The following CDH2 variants were observed in gnomAD, a reference collection of about 807,000 sequenced individuals.
The protein encoded by CDH2 is cadherin-2.
A neutral mutation model predicts 92.0 loss-of-function variants in CDH2; 17 were observed. The observed-to-expected ratio is 0.18, with a 90% confidence interval of 0.13 to 0.28. The LOEUF is 0.28. Among genes scored for constraint, CDH2 ranks in the 10% least tolerant of loss-of-function variants. CDH2 has a pLI of 1.00. For synonymous variants in CDH2, 419 were observed against 415.9 expected (o/e 1.01, Z -0.09); for missense variants, 862 against 1,133.1 (o/e 0.76, Z 3.44).
chr18:27,966,065 G>GT (rs1301300244), intron 14 of CDH2, among the ~76,000 whole-genome samples: 3 of 136,570 alleles, frequency 2.2e-5, no homozygotes, highest in Non-Finnish European at 3.2e-5. Context: ...AATAAAATAT[G>GT]TTTTTTCCAG....
At chr18:28,049,634 C>T (rs979455701) in intron 2 of CDH2, among the ~76,000 whole-genome samples, 1 of 152,190 alleles carries the variant, frequency 6.6e-6, no homozygotes, top group African/African-American at 2.4e-5. Context: ...AATGGATTAA[C>T]TCACCACTGA....
intron 2 of CDH2, among the ~76,000 whole-genome samples, chr18:28,135,931 C>T (rs1348620709): frequency 6.6e-6 from 1 of 152,184 alleles, no homozygotes; most frequent in Non-Finnish European, 1.5e-5. Flanking sequence ...TAATTGTTAG[C>T]TGGGCACTGG....
intron 14 of CDH2, among the ~76,000 whole-genome samples, chr18:27,965,734 C>T (rs1224350623): frequency 1.3e-5 from 2 of 152,142 alleles, no homozygotes; most frequent in African/African-American, 2.4e-5. Context: ...ATTTAGTCCC[C>T]TGCACTTTGG....
chr18:28,062,155 C>G (rs909664926), intron 2 of CDH2, among the ~76,000 whole-genome samples: 5 of 152,158 alleles, frequency 3.3e-5, no homozygotes, highest in African/African-American at 1.2e-4. Flanking sequence ...CAAACAGATA[C>G]AATGAACAGC....
rs1019297487 is a variant in CDH2, at chr18:28,003,053, T to C, written c.964A>G (p.Thr322Ala). 2.5e-6 allele frequency: 4 copies of C among 1,613,996 alleles called. No individual in the cohort carries two copies. The highest frequency in any genetic ancestry group is 3.4e-6 in the Non-Finnish European group (4 of 1,179,990). Residue 322 changes from threonine (T) to alanine (A), a missense_variant, in exon 7 of 16, where the codon ACA (threonine) becomes GCA (alanine). Around this residue, in one of 5 missense-constraint regions of CDH2, gnomAD observed 564 missense variants for 722.2 expected, o/e 0.78. Coordinates refer to ENST00000269141, the MANE Select transcript of CDH2 (RefSeq NM_001792.5). ...APSTPSPNMF[T>A]INNETGDIIT... The stretch of plus-strand genomic sequence containing the variant: ...ATGTCACCAGTCTCATTGTTGATTG[T>C]AAACATGTTGGGTGAAGGGGTGCTT...
intron 1 of CDH2, among the ~76,000 whole-genome samples, chr18:28,165,420 G>A (rs1399325942): frequency 3.9e-5 from 6 of 152,098 alleles, no homozygotes; most frequent in Non-Finnish European, 5.9e-5. Context: ...TCAAAGTCCT[G>A]GGGTCAAGCT....
chr18:28,146,621 C>T (rs796229964), intron 2 of CDH2: 1 of 152,006 alleles, frequency 6.6e-6, no homozygotes, highest in Non-Finnish European at 1.5e-5. Flanking sequence ...TAAAATGTAA[C>T]CTGCACCCAA....
intron 13 of CDH2, among the ~76,000 whole-genome samples, chr18:27,983,322 T>C (rs2012120445): frequency 6.6e-6 from 1 of 152,180 alleles, no homozygotes. Flanking sequence ...GCAAACTCAC[T>C]TGAGAGGTGA....
intron 1 of CDH2, among the ~76,000 whole-genome samples, chr18:28,166,518 T>C (rs908571043): frequency 6.6e-6 from 1 of 152,052 alleles, no homozygotes; most frequent in Non-Finnish European, 1.5e-5. Context: ...CAAATGTTCT[T>C]ATCTGTCAAA....
chr18:28,003,573 G>C (rs2012832284), intron 6 of CDH2, among the ~76,000 whole-genome samples: 1 of 152,102 alleles, frequency 6.6e-6, no homozygotes, highest in Non-Finnish European at 1.5e-5. Flanking sequence ...GTTATGCAAT[G>C]ATGTCTAAAA....
chr18:28,129,691 G>A (rs2015734152), intron 2 of CDH2, among the ~76,000 whole-genome samples: 1 of 152,140 alleles, frequency 6.6e-6, no homozygotes, highest in Admixed American at 6.5e-5. Context: ...AGTTGGGTGT[G>A]GTGGTTGCAT....
chr18:28,054,993 C>T (rs2014264683), intron 2 of CDH2, among the ~76,000 whole-genome samples: 1 of 152,090 alleles, frequency 6.6e-6, no homozygotes, highest in African/African-American at 2.4e-5. Flanking sequence ...ACTGAGAAGA[C>T]AGAGAGAGCT....
At chr18:28,155,893 CTG>C (rs1170713953) in intron 1 of CDH2, among the ~76,000 whole-genome samples, 1 of 152,218 alleles carries the variant, frequency 6.6e-6, no homozygotes, top group East Asian at 1.9e-4. Context: ...AAGATTTTCT[CTG>C]TGTCAGTAAT....
In CDH2 at chr18:28,043,487, TATATATAA is replaced by T. The variant is rs1338663861; in HGVS notation, c.173-29586_173-29579del. ...ATATATATATATATATATATATATA[TATATATAA>T]ATATATATATATATATATATAAACA... On this transcript the variant is annotated intron_variant, in intron 2 of 15. Transcript: ENST00000269141. Among the ~76,000 whole-genome samples, 432 of 75,050 alleles carry T rather than the reference TATATATAA, an allele frequency of 5.8e-3. 2 individuals carry two copies. Among genetic ancestry groups the T allele is most frequent in the African/African-American group, 0.015 (269 of 18,110 alleles). 49.2% of individuals were successfully genotyped at this position (75,050 alleles called of 152,430 possible).
chr18:28,151,793 G>T (rs1295963339), intron 1 of CDH2, among the ~76,000 whole-genome samples: 2 of 152,178 alleles, frequency 1.3e-5, no homozygotes, highest in East Asian at 3.9e-4. Context: ...AATGGTGCAT[G>T]GGTTGGCAAG....
At chr18:27,984,876 C>T (rs920499970) in intron 13 of CDH2, 124 bp downstream of exon 13, 12 of 692,420 alleles carry the variant, frequency 1.7e-5, no homozygotes, top group African/African-American at 5.4e-5. Context: ...ATATGATTGG[C>T]GAGGAAATGC....
chr18:28,006,053 C>T, intron 5 of CDH2, 60 bp from the exon 6 acceptor site: 1 of 1,328,902 alleles, frequency 7.5e-7, no homozygotes, highest in Non-Finnish European at 1.1e-6. Flanking sequence ...AAGATAAATA[C>T]ATCATCATAA....
chr18:28,022,274 C>G (rs1409960691), intron 2 of CDH2, among the ~76,000 whole-genome samples: 1 of 151,776 alleles, frequency 6.6e-6, no homozygotes, highest in Non-Finnish European at 1.5e-5. Context: ...GTTTTACAGA[C>G]AGGTTGAGAA....
chr18:27,956,740 C>G (rs962016187), intron 15 of CDH2, among the ~76,000 whole-genome samples: 1 of 152,048 alleles, frequency 6.6e-6, no homozygotes, highest in Non-Finnish European at 1.5e-5. Flanking sequence ...AGAGTTCCCC[C>G]GACAATGGGC....
Sources: allele counts gnomAD v4.1 joint callset (sites outside exome capture counted in the v4.1 genomes callset), GRCh38; gene constraint gnomAD v4.1.1; regional missense constraint gnomAD v4.1.1; transcripts MANE v1.5; gene names NCBI Gene and HGNC (gene_info 2026-07-23, HGNC 2026-07-21).